USP45: variants seen among roughly 807,000 people sequenced by gnomAD.
USP45 encodes the protein ubiquitin carboxyl-terminal hydrolase 45.
Under a neutral mutation model 95.8 loss-of-function variants are expected in USP45, and 89 were observed. That is an observed-to-expected ratio of 0.93 (90% CI 0.78 to 1.11). The LOEUF is 1.11. Ranked by LOEUF, USP45 falls within the 50% of genes least tolerant of loss-of-function variation. The pLI is 0.00. For missense variants in USP45, 898 were observed against 942.5 expected (o/e 0.95, Z 0.62); for synonymous variants, 281 against 316.2 (o/e 0.89, Z 1.18).
chr6:99,479,227 A>G (rs901745494), intron 8 of USP45, among the ~76,000 whole-genome samples: 4 of 150,758 alleles, frequency 2.7e-5, no homozygotes, highest in African/African-American at 9.8e-5. Flanking sequence ...ATCCAATAGT[A>G]TATTTTATTT....
chr6:99,495,657 T>C (rs1304623763), intron 5 of USP45, among the ~76,000 whole-genome samples: 2 of 152,336 alleles, frequency 1.3e-5, no homozygotes, highest in East Asian at 3.9e-4. Context: ...AATTTATAAG[T>C]GTGATAGTAG....
Position 99,488,966 on chromosome 6 carries a change from C to T in USP45, c.479-146G>A, listed in dbSNP as rs1341154847. The T allele has an allele frequency of 4.9e-6, 3 of 612,648 alleles. No homozygotes were observed. In the East Asian group the frequency reaches 1.1e-4, roughly 22 times the overall value. 38.0% of individuals were successfully genotyped at this position (612,648 alleles called of 1,614,324 possible). A position where few individuals can be genotyped will look rare whatever the true frequency, so the allele number is the denominator to read the frequency against. ...CTGAAGGGGAAGAATATAAACACAA[C>T]TATCTTTGGTTTTATATTTTATTGC... is the stretch of plus-strand genomic sequence containing the variant. On this transcript the variant is annotated intron_variant, in intron 5 of 17. Transcript: ENST00000500704.
intron 15 of USP45, among the ~76,000 whole-genome samples, chr6:99,441,579 T>C (rs1436999890): frequency 6.6e-6 from 1 of 152,090 alleles, no homozygotes; most frequent in Non-Finnish European, 1.5e-5. Flanking sequence ...CATTACTAAA[T>C]TGCTTTCTAG....
At chr6:99,444,045 G>T (rs1782020589) in intron 14 of USP45, among the ~76,000 whole-genome samples, 3 of 151,016 alleles carry the variant, frequency 2.0e-5, no homozygotes, top group African/African-American at 7.3e-5. Context: ...TTTTGAGATT[G>T]CTGTTACCCA....
intron 2 of USP45, among the ~76,000 whole-genome samples, 153 bp from the exon 3 acceptor site, chr6:99,508,935 C>A (rs1392993475): frequency 6.6e-6 from 1 of 152,112 alleles, no homozygotes; most frequent in Non-Finnish European, 1.5e-5. Context: ...TATATAATTC[C>A]ATTTATATAA....
chr6:99,492,092 A>G (rs1795301458), intron 5 of USP45, among the ~76,000 whole-genome samples: 2 of 152,272 alleles, frequency 1.3e-5, no homozygotes, highest in Non-Finnish European at 2.9e-5. Context: ...TTTATCCAAC[A>G]GTTTTCAAAA....
Position 99,433,530 on chromosome 6 carries a change from T to C in USP45, c.*2186A>G, listed in dbSNP as rs997220477. On this transcript the variant is annotated 3_prime_UTR_variant, in exon 18 of 18. Coordinates refer to ENST00000500704, the MANE Select transcript of USP45 (RefSeq NM_001346022.3). ...CATGCTTTCTCTGTTACAAAAGCTA[T>C]CTTTAGGAAATTCTTAAGTATCAAA... The C allele has an allele frequency of 6.6e-6, 1 of 152,566 alleles. No individual in the cohort carries two copies. Among genetic ancestry groups the C allele is most frequent in the African/African-American group, 2.4e-5 (1 of 41,454 alleles). 9.5% of individuals were successfully genotyped at this position (152,566 alleles called of 1,614,324 possible).
intron 8 of USP45, among the ~76,000 whole-genome samples, chr6:99,480,919 A>C (rs1259096721): frequency 6.6e-6 from 1 of 152,118 alleles, no homozygotes; most frequent in African/African-American, 2.4e-5. Context: ...AGTAAACGCC[A>C]TAAAACAAAC....
At chr6:99,488,113 T>C (rs767891317) in intron 7 of USP45, 87 bp downstream of exon 7, 1 of 824,522 alleles carries the variant, frequency 1.2e-6, no homozygotes, top group Admixed American at 2.4e-5. Flanking sequence ...CTATCTTAGT[T>C]GACTGATCTG....
In USP45 at chr6:99,478,230, T is replaced by G. The variant is rs969864436; in HGVS notation, c.846-2000A>C. On this transcript the variant is annotated intron_variant, in intron 8 of 17. Coordinates refer to ENST00000500704, the MANE Select transcript of USP45 (RefSeq NM_001346022.3). ...AATAAACTTAGATTTGTTTTTTTTT[T>G]TTTTTTTTTTTTTTAACCTAGGAAT... Among the ~76,000 whole-genome samples the G allele has an allele frequency of 1.4e-3, 215 of 149,828 alleles. 3 individuals are homozygous for G. The highest frequency in any genetic ancestry group is 4.4e-3 in the Admixed American group (66 of 15,118).
intron 5 of USP45, among the ~76,000 whole-genome samples, chr6:99,491,670 G>A (rs151168586): frequency 5.4e-4 from 82 of 152,140 alleles, no homozygotes; most frequent in African/African-American, 1.9e-3. Flanking sequence ...TATGTACAAT[G>A]AGAAGAATTA....
chr6:99,452,472 G>A (rs922410927), intron 13 of USP45, among the ~76,000 whole-genome samples: 9 of 152,254 alleles, frequency 5.9e-5, no homozygotes, highest in Non-Finnish European at 8.8e-5. Context: ...CAAAACCACA[G>A]TGAGATACCA....
intron 5 of USP45, among the ~76,000 whole-genome samples, chr6:99,495,164 G>A (rs1276497375): frequency 6.6e-6 from 1 of 152,030 alleles, no homozygotes; most frequent in Admixed American, 6.6e-5. Context: ...CTTTCTTGAG[G>A]GCAGTTTTAC....
intron 5 of USP45, among the ~76,000 whole-genome samples, chr6:99,502,822 C>T (rs1451932749): frequency 6.6e-6 from 1 of 152,164 alleles, no homozygotes; most frequent in Non-Finnish European, 1.5e-5. Flanking sequence ...TGTGTACTAC[C>T]TCCTCGTCTA....
Position 99,439,824 on chromosome 6 carries a change from T to C in USP45, c.2105A>G (p.His702Arg). 1.2e-6 allele frequency: 2 copies of C among 1,608,130 alleles called. No homozygotes were observed. Among genetic ancestry groups the C allele is most frequent in the Non-Finnish European group, 1.7e-6 (2 of 1,176,790 alleles). Residue 702 changes from histidine to arginine, a missense_variant, in exon 16 of 18, where the codon CAT becomes CGT. By Grantham distance (29) the His-to-Arg change is conservative (BLOSUM62 0). Coordinates refer to ENST00000500704, the MANE Select transcript of USP45 (RefSeq NM_001346022.3). The stretch of plus-strand genomic sequence containing the variant: ...ATCGAGCATAAGTGGAAAATCTACA[T>C]GTCTGTTTACTTTACGAAGACTCAA... ...AGLSLRKVNR[H>R]VDFPLMLDLA... is the part of the protein sequence containing the mutation.
intron 5 of USP45, among the ~76,000 whole-genome samples, chr6:99,493,700 T>C (rs1046822467): frequency 2.4e-4 from 36 of 151,068 alleles, no homozygotes; most frequent in African/African-American, 8.8e-4. Flanking sequence ...GGTTTCACCA[T>C]GTTGTCCAGG....
chr6:99,517,461 TTCTC>T (rs1214634592), upstream of USP45, among the ~76,000 whole-genome samples: 1 of 151,748 alleles, frequency 6.6e-6, no homozygotes, highest in African/African-American at 2.4e-5. Context: ...TTGAGACGGA[TTCTC>T]TCTCTGTTGT....
At chr6:99,497,118 GA>G (rs932373831) in intron 5 of USP45, among the ~76,000 whole-genome samples, 35 of 151,592 alleles carry the variant, frequency 2.3e-4, no homozygotes, top group Non-Finnish European at 1.0e-4. Flanking sequence ...TTCAACCACT[GA>G]TTTTTTTTTT....
chr6:99,492,594 A>T (rs1436186789), intron 5 of USP45, among the ~76,000 whole-genome samples: 1 of 151,770 alleles, frequency 6.6e-6, no homozygotes, highest in Non-Finnish European at 1.5e-5. Context: ...TCCCAGGTAC[A>T]AGTGATTCTC....
Sources: allele counts gnomAD v4.1 joint callset (sites outside exome capture counted in the v4.1 genomes callset), GRCh38; gene constraint gnomAD v4.1.1; transcripts MANE v1.5; gene names NCBI Gene and HGNC (gene_info 2026-07-23, HGNC 2026-07-21).